GOLGA6L9: variants seen among roughly 807,000 people sequenced by gnomAD.
GOLGA6L9 encodes golgin subfamily A member 6-like protein 9.
In GOLGA6L9, 19 loss-of-function variants were observed where a neutral mutation model predicts 51.3. That is an observed-to-expected ratio of 0.37 (90% CI 0.26 to 0.54). The LOEUF (loss-of-function observed/expected upper bound fraction) is 0.54, where lower values mean the gene tolerates loss of function less well. Ranked by LOEUF, GOLGA6L9 falls within the 20% of genes least tolerant of loss-of-function variation. The pLI, the probability that GOLGA6L9 is intolerant of heterozygous loss-of-function variation, is 0.83. For missense variants in GOLGA6L9, 247 were observed against 464.1 expected (o/e 0.53, Z 4.30); for synonymous variants, 97 against 184.2 (o/e 0.53, Z 3.83).
At chr15:82,416,826 C>G in the GOLGA6L9 span, among the ~76,000 whole-genome samples, 2 of 151,960 alleles carry the variant, frequency 1.3e-5, no homozygotes, top group Admixed American at 1.3e-4. Context: ...CTTGACATAC[C>G]CAAACATTTT....
In GOLGA6L9 at chr15:82,432,575, G is replaced by C; in HGVS notation, c.208G>C (p.Ala70Pro). Residue 70 changes from alanine (A) to proline (P), a missense_variant, in exon 3 of 9, where the codon GCA becomes CCA. Coordinates refer to ENST00000618348, the MANE Select transcript of GOLGA6L9 (RefSeq NM_198181.4). ...TGTGCACTCTCATCTCTTGGAGTCAGCAACAGGTATCTACGGGGAGGGCCG... is the reference window on the plus strand; with the variant it reads ...TGTGCACTCTCATCTCTTGGAGTCACCAACAGGTATCTACGGGGAGGGCCG... Reference protein sequence around the residue: ...SGGYHSPGDSATGIYGEGRAS... With the variant: ...SGGYHSPGDSPTGIYGEGRAS... 6.2e-7 allele frequency: 1 copy of C among 1,603,328 alleles called. No homozygotes were observed. Among genetic ancestry groups the C allele is most frequent in the South Asian group, 1.1e-5 (1 of 90,776 alleles).
Position 82,434,453 on chromosome 15 carries a change from G to C in GOLGA6L9, c.853G>C (p.Glu285Gln). ...CGAGGTGGAGGAGCTCCTGGAGCAG[G>C]AGAGGCTTCGGCAACAGGATGAGAG... is the stretch of plus-strand genomic sequence containing the variant. ...LDEVEELLEQ[E>Q]RLRQQDERLW... is the part of the protein sequence containing the mutation. Residue 285 changes from glutamate to glutamine, a missense_variant, in exon 6 of 9, where the codon GAG (glutamate) becomes CAG (glutamine). Physicochemically the swap from Glu to Gln is conservative, Grantham distance 29 (BLOSUM62 2). This residue lies in a region of GOLGA6L9 where 35 missense variants were observed against 86.2 expected (regional missense o/e 0.41). Coordinates refer to ENST00000618348, the MANE Select transcript of GOLGA6L9 (RefSeq NM_198181.4). 7.7e-6 allele frequency: 12 copies of C among 1,548,504 alleles called. No homozygotes were observed. In the South Asian group the frequency reaches 1.4e-4, roughly 18 times the overall value.
the GOLGA6L9 span, among the ~76,000 whole-genome samples, chr15:82,418,275 C>G: frequency 2.0e-5 from 3 of 152,128 alleles, no homozygotes; most frequent in African/African-American, 7.2e-5. Context: ...GATGCGCAGG[C>G]TAGAGTGGTC....
At position 82,437,808 on chromosome 15, in the gene GOLGA6L9, CA is replaced by C. The variant is rs1401550202; in HGVS notation, c.*1399del. 1 of 151,148 alleles carries C rather than the reference CA, an allele frequency of 6.6e-6. No homozygotes were observed. Among genetic ancestry groups the C allele is most frequent in the Non-Finnish European group, 1.5e-5 (1 of 67,840 alleles). 9.4% of individuals were successfully genotyped at this position (151,148 alleles called of 1,614,324 possible). The stretch of plus-strand genomic sequence containing the variant: ...CGTAAAACGTTTACAAACTGCAGCA[CA>C]ATCTACTGTTCGTGAATGTCAAAGT... On this transcript the variant is annotated 3_prime_UTR_variant, in exon 9 of 9. Transcript: ENST00000618348.
rs1297796678 is a variant in GOLGA6L9 at position 82,432,639 on chromosome 15, G to T, written c.264+8G>T. 1.1e-4 allele frequency: 170 copies of T among 1,603,364 alleles called. No individual in the cohort carries two copies. Among genetic ancestry groups the T allele is most frequent in the Non-Finnish European group, 1.3e-4 (158 of 1,178,782 alleles). On this transcript the variant is annotated splice_region_variant and intron_variant, in intron 3 of 8. Coordinates refer to ENST00000618348, the MANE Select transcript of GOLGA6L9 (RefSeq NM_198181.4). ...ACCCTGCAGGATCTGGAGGTAAGAG[G>T]CCCTGGGCCGAGGTGCAGTGACCCT...
upstream of GOLGA6L9, among the ~76,000 whole-genome samples, chr15:82,429,234 C>A (rs1398331148): frequency 6.6e-6 from 1 of 151,656 alleles, no homozygotes; most frequent in Non-Finnish European, 1.5e-5. Context: ...ACCACCACAC[C>A]TGGTTAGTTT....
At position 82,436,613 on chromosome 15, in the gene GOLGA6L9, A is replaced by G. The variant is rs1260821950; in HGVS notation, c.*202A>G. On this transcript the variant is annotated 3_prime_UTR_variant, in exon 9 of 9. Transcript: ENST00000618348. ...TTAAATTTATTTGTGTTTCTAATTT[A>G]TAGTTTAAATTTATTTTTGTTTCTA... is the stretch of plus-strand genomic sequence containing the variant. 3.8e-6 allele frequency: 2 copies of G among 528,804 alleles called. No individual in the cohort carries two copies. Among genetic ancestry groups the G allele is most frequent in the Non-Finnish European group, 5.9e-6 (2 of 336,136 alleles). 32.8% of individuals were successfully genotyped at this position (528,804 alleles called of 1,614,324 possible). A position where few individuals can be genotyped will look rare whatever the true frequency, so the allele number is the denominator to read the frequency against.
At position 82,434,281 on chromosome 15, in the gene GOLGA6L9, G is replaced by A. The variant is rs1389250175; in HGVS notation, c.681G>A (p.Glu227=). The A allele has an allele frequency of 2.0e-5, 31 of 1,552,976 alleles. No homozygotes were observed. Among genetic ancestry groups the A allele is most frequent in the Non-Finnish European group, 2.4e-5 (28 of 1,156,040 alleles). ...EQEERLCEQE[E]RLREQEERLC... ...AGGAGAGGCTGTGTGAACAGGAGGAGAGGCTACGTGAACAGGAGGAGAGGC... is the reference window on the plus strand; with the variant it reads ...AGGAGAGGCTGTGTGAACAGGAGGAAAGGCTACGTGAACAGGAGGAGAGGC... The change falls in exon 6 of 9, where the codon GAG becomes GAA. Residue 227 remains glutamate (E), a synonymous_variant. Transcript: ENST00000618348.
Position 82,436,392 on chromosome 15 carries a change from T to C in GOLGA6L9, c.1280T>C (p.Leu427Pro). Residue 427 changes from leucine to proline, a missense_variant, in exon 9 of 9, where the codon CTA (leucine) becomes CCA (proline). By Grantham distance (98) the Leu-to-Pro change is moderately conservative. Transcript: ENST00000618348. ...HSFRAAENRE[L>P]NITII Reference sequence around the variant, plus strand: ...TTTCGGGCTGCCGAGAACAGGGAGCTAAACATCACCATCATCTAAGAGCGG... The same window carrying C: ...TTTCGGGCTGCCGAGAACAGGGAGCCAAACATCACCATCATCTAAGAGCGG... 6.3e-7 allele frequency: 1 copy of C among 1,593,010 alleles called. No individual in the cohort carries two copies. The highest frequency in any genetic ancestry group is 8.5e-7 in the Non-Finnish European group (1 of 1,177,178).
At chr15:82,433,310 G>A (rs1242299914) in intron 4 of GOLGA6L9, among the ~76,000 whole-genome samples, 1 of 151,962 alleles carries the variant, frequency 6.6e-6, no homozygotes, top group African/African-American at 2.4e-5. Flanking sequence ...GGTTAGCTCT[G>A]AAAGTCAGAG....
the GOLGA6L9 span, chr15:82,420,000 G>C: frequency 1.1e-5 from 5 of 436,590 alleles, no homozygotes; most frequent in Admixed American, 2.6e-5. Context: ...GTGCCTACTC[G>C]ATAGAATCAG....
the GOLGA6L9 span, chr15:82,416,079 T>C: frequency 6.6e-6 from 1 of 152,208 alleles, no homozygotes; most frequent in Non-Finnish European, 1.5e-5. Flanking sequence ...ATGAAGTAGA[T>C]GGGATCTCAG....
In GOLGA6L9 at chr15:82,434,174, C is replaced by A; in HGVS notation, c.574C>A (p.Leu192Ile). Residue 192 changes from leucine to isoleucine, a missense_variant, in exon 6 of 9, where the codon CTC becomes ATC. Transcript: ENST00000618348. ...AEVENNQMLS[L>I]LNRRQEERLR... ...GGTGGAAAACAATCAGATGTTGAGTCTCCTGAACAGGAGACAGGAGGAGAG... is the reference window on the plus strand; with the variant it reads ...GGTGGAAAACAATCAGATGTTGAGTATCCTGAACAGGAGACAGGAGGAGAG... 1.9e-6 allele frequency: 3 copies of A among 1,538,958 alleles called. No homozygotes were observed.
chr15:82,429,897 G>C lies in GOLGA6L9; in HGVS notation c.-183G>C. 2 of 786,142 alleles carry C rather than the reference G, an allele frequency of 2.5e-6. No homozygotes were observed. The highest frequency in any genetic ancestry group is 4.5e-6 in the Non-Finnish European group (2 of 444,632). The allele number at this position is 786,142 out of a possible 1,614,324, so 48.7% of individuals were successfully genotyped here. A position where few individuals can be genotyped will look rare whatever the true frequency, so the allele number is the denominator to read the frequency against. On this transcript the variant is annotated 5_prime_UTR_variant, in exon 1 of 9. The change abolishes an upstream ATG in the 5' untranslated region. Coordinates refer to ENST00000618348, the MANE Select transcript of GOLGA6L9 (RefSeq NM_198181.4). ...TGATGCTACAGGTCCCTCTGGACAT[G>C]CTGCGCCTGGCCACGCCTCCTTTCC...
the GOLGA6L9 span, among the ~76,000 whole-genome samples, chr15:82,417,980 G>C: frequency 6.6e-6 from 1 of 152,292 alleles, no homozygotes; most frequent in East Asian, 1.9e-4. Context: ...CTTTACCTGA[G>C]TTTAATTTTT....
upstream of GOLGA6L9, among the ~76,000 whole-genome samples, chr15:82,428,357 TA>T (rs1286881344): frequency 7.4e-6 from 1 of 135,000 alleles, no homozygotes; most frequent in Non-Finnish European, 1.6e-5. Context: ...CTTGTAAACA[TA>T]CTTTTTAGAC....
the GOLGA6L9 span, among the ~76,000 whole-genome samples, chr15:82,418,971 C>G: frequency 6.6e-6 from 1 of 152,196 alleles, no homozygotes; most frequent in Non-Finnish European, 1.5e-5. Context: ...TCAAAGTATT[C>G]TGTTCTGATT....
At chr15:82,429,733 C>G (rs2031336412), upstream of GOLGA6L9, among the ~76,000 whole-genome samples, 3 of 152,106 alleles carry the variant, frequency 2.0e-5, no homozygotes, top group South Asian at 6.2e-4. Flanking sequence ...AGTATATACA[C>G]ATATATTTTT....
chr15:82,419,129 TTAA>T, the GOLGA6L9 span: 1 of 172,388 alleles, frequency 5.8e-6, no homozygotes, highest in Non-Finnish European at 1.2e-5. Flanking sequence ...GCATACTTTC[TTAA>T]TAATGCCACA....
Sources: allele counts gnomAD v4.1 joint callset (sites outside exome capture counted in the v4.1 genomes callset), GRCh38; gene constraint gnomAD v4.1.1; regional missense constraint gnomAD v4.1.1; transcripts MANE v1.5; gene names NCBI Gene and HGNC (gene_info 2026-07-23, HGNC 2026-07-21).